CNTLN: variants seen among roughly 807,000 people sequenced by gnomAD.
CNTLN encodes centlein.
In CNTLN, 212 loss-of-function variants were observed where a neutral mutation model predicts 180.0. The observed-to-expected ratio is 1.18, with a 90% CI of 1.05 to 1.32. The LOEUF (loss-of-function observed/expected upper bound fraction) is 1.32. CNTLN is among the 40% of genes most tolerant of loss of function. The pLI is 0.00. For missense variants in CNTLN, 2,095 were observed against 1,610.9 expected (o/e 1.30, Z -5.14); for synonymous variants, 722 against 563.1 (o/e 1.28, Z -3.99).
the CNTLN span, among the ~76,000 whole-genome samples, chr9:17,513,380 A>G: frequency 6.6e-6 from 1 of 152,162 alleles, no homozygotes; most frequent in East Asian, 1.9e-4. Flanking sequence ...AACTGAAAAA[A>G]TTAAATATAG....
the CNTLN span, among the ~76,000 whole-genome samples, chr9:17,518,036 CTTTTTT>C: frequency 1.1e-3 from 74 of 69,240 alleles, no homozygotes; most frequent in Admixed American, 2.9e-3. Context: ...TTTTCTTTTC[CTTTTTT>C]TTTTTTTTTT....
chr9:17,251,795 G>T (rs920354334), intron 5 of CNTLN, among the ~76,000 whole-genome samples: 1 of 151,790 alleles, frequency 6.6e-6, no homozygotes, highest in African/African-American at 2.4e-5. Flanking sequence ...TTGTTCCCAA[G>T]TATAGGAACC....
chr9:17,391,533 C>T (rs1442522), intron 14 of CNTLN, among the ~76,000 whole-genome samples: 124,079 of 151,766 alleles, frequency 0.82, 51,186 homozygotes, highest in Non-Finnish European at 0.87. Context: ...GTATTCTGAG[C>T]CCCAACGTAT....
At position 17,388,236 on chromosome 9, in the gene CNTLN, G is replaced by T; in HGVS notation, c.2062G>T (p.Glu688Ter). ...AGAGAAGAATGGAAAAGAAATGTTG[G>T]AGCAGACATTACAGAAGGTAGTCTA... Reference protein sequence around the residue: ...TPEKNGKEMLEQTLQKVTELE... With the variant: ...TPEKNGKEML The change falls in exon 14 of 26, where the codon GAG becomes TAG. Residue 688 changes from glutamate (E) to a stop codon, truncating the protein, a stop_gained. Transcript: ENST00000380647. LOFTEE classifies it high-confidence loss of function. 6.2e-7 allele frequency: 1 copy of T among 1,610,332 alleles called. No homozygotes were observed. Among genetic ancestry groups the T allele is most frequent in the East Asian group, 2.2e-5 (1 of 44,732 alleles).
At chr9:17,359,731 A>AAAAAAAAAAAAACC (rs1240702166) in intron 12 of CNTLN, among the ~76,000 whole-genome samples, 3 of 99,284 alleles carry the variant, frequency 3.0e-5, no homozygotes, top group East Asian at 3.1e-4. Context: ...AATACAAAAA[A>AAAAAAAAAAAAACC]AAAAAAAAAA....
At chr9:17,476,410 G>A (rs1236926026) in intron 23 of CNTLN, among the ~76,000 whole-genome samples, 1 of 152,088 alleles carries the variant, frequency 6.6e-6, no homozygotes, top group African/African-American at 2.4e-5. Flanking sequence ...TTAATCAAAA[G>A]CTAGAAATCA....
Position 17,342,426 on chromosome 9 carries a change from A to G in CNTLN, c.1868A>G (p.Gln623Arg). 6.2e-7 allele frequency: 1 copy of G among 1,604,854 alleles called. No individual in the cohort carries two copies. Among genetic ancestry groups the G allele is most frequent in the Non-Finnish European group, 8.5e-7 (1 of 1,177,282 alleles). ...CTGGCATATTTCAAAAGGGAAAACC[A>G]GGAGCTAATGATTCAAAAGTGAGTT... is the stretch of plus-strand genomic sequence containing the variant. ...NELAYFKREN[Q>R]ELMIQKMNLE... Residue 623 changes from glutamine to arginine, a missense_variant, in exon 12 of 26, where the codon CAG becomes CGG. Physicochemically the swap from Gln to Arg is conservative, Grantham distance 43. Coordinates refer to ENST00000380647, the MANE Select transcript of CNTLN (RefSeq NM_017738.4).
chr9:17,324,434 T>C (rs905383695), intron 8 of CNTLN, among the ~76,000 whole-genome samples: 2 of 152,202 alleles, frequency 1.3e-5, no homozygotes, highest in Non-Finnish European at 2.9e-5. Flanking sequence ...TTCTAGCTTT[T>C]AAGCACTGTC....
chr9:17,328,890 A>G (rs1385821629), intron 8 of CNTLN, among the ~76,000 whole-genome samples: 1 of 151,958 alleles, frequency 6.6e-6, no homozygotes, highest in East Asian at 1.9e-4. Flanking sequence ...AAATATTAAT[A>G]TCATTAATAT....
chr9:17,449,038 A>G (rs139383165), intron 18 of CNTLN, among the ~76,000 whole-genome samples: 1 of 152,280 alleles, frequency 6.6e-6, no homozygotes, highest in Non-Finnish European at 1.5e-5. Context: ...GCAACCTCAT[A>G]GTCATTAGTA....
intron 2 of CNTLN, among the ~76,000 whole-genome samples, chr9:17,186,635 T>A (rs1382637700): frequency 1.3e-5 from 2 of 152,164 alleles, no homozygotes; most frequent in Non-Finnish European, 2.9e-5. Context: ...GATTCTTAGT[T>A]TATAGCACAC....
chr9:17,325,694 G>A (rs932410789), intron 8 of CNTLN, among the ~76,000 whole-genome samples: 1 of 151,792 alleles, frequency 6.6e-6, no homozygotes, highest in African/African-American at 2.4e-5. Context: ...TATAGGCTTT[G>A]TTATGTGTTG....
At chr9:17,317,095 A>G (rs966467561) in intron 8 of CNTLN, among the ~76,000 whole-genome samples, 1 of 151,950 alleles carries the variant, frequency 6.6e-6, no homozygotes, top group Non-Finnish European at 1.5e-5. Context: ...TTGGGTTTGC[A>G]TAATTTTTGG....
At chr9:17,355,842 A>T (rs925927306) in intron 12 of CNTLN, among the ~76,000 whole-genome samples, 4 of 152,162 alleles carry the variant, frequency 2.6e-5, no homozygotes, top group Admixed American at 2.0e-4. Context: ...AGGCGGGTGG[A>T]TCACGAGGTT....
At chr9:17,486,754 T>C (rs1463893410) in intron 24 of CNTLN, among the ~76,000 whole-genome samples, 1 of 152,130 alleles carries the variant, frequency 6.6e-6, no homozygotes, top group Non-Finnish European at 1.5e-5. Context: ...AAGGTAGAAA[T>C]TAAATATTTC....
intron 16 of CNTLN, among the ~76,000 whole-genome samples, chr9:17,410,648 G>A (rs1292192037): frequency 6.6e-6 from 1 of 151,914 alleles, no homozygotes; most frequent in Admixed American, 6.5e-5. Flanking sequence ...CTTCCATGTT[G>A]TCTTTTCCTA....
rs187783778 is a variant in CNTLN at position 17,220,252 on chromosome 9, T to G, written c.450-5951T>G. The stretch of plus-strand genomic sequence containing the variant: ...ATAATTAGCCTAGTATCAAGCTCAT[T>G]TGGAAGCTGTAATAATGCTTTTGTT... On this transcript the variant is annotated intron_variant, in intron 2 of 25. Transcript: ENST00000380647. 5.1e-3 allele frequency among the ~76,000 whole-genome samples: 772 copies of G among 152,076 alleles called. 5 individuals are homozygous for G. Among genetic ancestry groups the G allele is most frequent in the Admixed American group, 8.0e-3 (122 of 15,246 alleles).
chr9:17,184,051 A>G lies in CNTLN; in HGVS notation c.449+40675A>G, dbSNP rs899134219. 1.3e-5 allele frequency among the ~76,000 whole-genome samples: 2 copies of G among 152,122 alleles called. 1 individual carries two copies. Among genetic ancestry groups the G allele is most frequent in the Admixed American group, 1.3e-4 (2 of 15,270 alleles). On this transcript the variant is annotated intron_variant, in intron 2 of 25. Coordinates refer to ENST00000380647, the MANE Select transcript of CNTLN (RefSeq NM_017738.4). Reference sequence around the variant, plus strand: ...TTGAGGTCATGAGATAACCTGATTTATGATAGCATATGAGAAGCAACGAAT... The same window carrying G: ...TTGAGGTCATGAGATAACCTGATTTGTGATAGCATATGAGAAGCAACGAAT...
At position 17,141,362 on chromosome 9, in the gene CNTLN, A is replaced by C. The variant is rs1818077588; in HGVS notation, c.361-1926A>C. Among the ~76,000 whole-genome samples the C allele has an allele frequency of 4.6e-5, 7 of 152,158 alleles. No individual in the cohort carries two copies. In the South Asian group the frequency reaches 1.4e-3, roughly 31 times the overall value. On this transcript the variant is annotated intron_variant, in intron 1 of 25. Coordinates refer to ENST00000380647, the MANE Select transcript of CNTLN (RefSeq NM_017738.4). ...TGGCTGTGATAGTAGTCAGGGGAGA[A>C]TTCACTTGAGATATTATTTAAGAAA... is the stretch of plus-strand genomic sequence containing the variant.
Sources: allele counts gnomAD v4.1 joint callset (sites outside exome capture counted in the v4.1 genomes callset), GRCh38; gene constraint gnomAD v4.1.1; transcripts MANE v1.5; gene names NCBI Gene and HGNC (gene_info 2026-07-23, HGNC 2026-07-21).